PRKG1: variants seen among roughly 807,000 people sequenced by gnomAD.
The protein encoded by PRKG1 is protein kinase cGMP-dependent 1.
In PRKG1, 35 loss-of-function variants were observed where a neutral mutation model predicts 88.1. That is an observed-to-expected ratio of 0.40 (90% CI 0.30 to 0.53). PRKG1 has a LOEUF of 0.53. Among genes scored for constraint, PRKG1 ranks in the 20% least tolerant of loss-of-function variants. PRKG1 has a pLI of 0.59. For missense variants in PRKG1, 540 were observed against 839.8 expected (o/e 0.64, Z 4.41); for synonymous variants, 303 against 292.5 (o/e 1.04, Z -0.37).
chr10:51,970,815 G>GTATATA (rs573621951), intron 5 of PRKG1, among the ~76,000 whole-genome samples: 3 of 139,818 alleles, frequency 2.1e-5, no homozygotes, highest in African/African-American at 8.0e-5. Context: ...CAGATGATGT[G>GTATATA]TATATATATA....
intron 3 of PRKG1, among the ~76,000 whole-genome samples, chr10:51,603,340 T>G (rs990546482): frequency 9.2e-5 from 14 of 152,154 alleles, no homozygotes; most frequent in African/African-American, 3.1e-4. Flanking sequence ...TCAACTAGTT[T>G]AGTTATTTTC....
intron 3 of PRKG1, among the ~76,000 whole-genome samples, chr10:51,776,564 C>A (rs899593666): frequency 1.3e-5 from 2 of 152,130 alleles, no homozygotes; most frequent in Admixed American, 1.3e-4. Context: ...GTGGTTCATG[C>A]CTGTAAACCC....
At position 51,713,439 on chromosome 10, in the gene PRKG1, T is replaced by C. The variant is rs112649901; in HGVS notation, c.593-91146T>C. Among the ~76,000 whole-genome samples, 117 of 152,360 alleles carry C rather than the reference T, an allele frequency of 7.7e-4. 6 individuals carry two copies. The highest frequency in any genetic ancestry group is 6.8e-3 in the Middle Eastern group (2 of 294). ...CAAGAAAATTTATTGTGTTGAATTC[T>C]TTTCTAATTTTTGATGGTTGCTTCC... is the stretch of plus-strand genomic sequence containing the variant. On this transcript the variant is annotated intron_variant, in intron 3 of 17. Transcript: ENST00000373980.
intron 5 of PRKG1, chr10:51,910,957 C>T (rs1340491865): frequency 6.6e-6 from 1 of 152,194 alleles, no homozygotes; most frequent in Admixed American, 6.5e-5. Context: ...GCTTTTGTCT[C>T]TAGGTACTGA....
intron 2 of PRKG1, among the ~76,000 whole-genome samples, chr10:51,418,113 T>A (rs536035330): frequency 8.2e-4 from 125 of 152,332 alleles, no homozygotes; most frequent in African/African-American, 2.9e-3. Context: ...GTGAGTGAGA[T>A]AAAAGAACAG....
chr10:52,157,225 G>GTATA (rs56686251), intron 8 of PRKG1, among the ~76,000 whole-genome samples: 1,567 of 141,702 alleles, frequency 0.011, 14 homozygotes, highest in African/African-American at 0.029. Context: ...TACACACCAA[G>GTATA]TATATATATA....
At chr10:51,526,621 G>T (rs1841891131) in intron 3 of PRKG1, among the ~76,000 whole-genome samples, 1 of 152,154 alleles carries the variant, frequency 6.6e-6, no homozygotes, top group South Asian at 2.1e-4. Flanking sequence ...ATACATGTAT[G>T]ACTCTAGATT....
At chr10:51,841,599 A>C (rs1434156978) in intron 4 of PRKG1, among the ~76,000 whole-genome samples, 1 of 152,184 alleles carries the variant, frequency 6.6e-6, no homozygotes, top group Non-Finnish European at 1.5e-5. Context: ...TGTGCAGTTG[A>C]ATTTTCTAAT....
chr10:51,988,518 A>G (rs964703051), intron 5 of PRKG1, among the ~76,000 whole-genome samples: 4 of 152,084 alleles, frequency 2.6e-5, no homozygotes, highest in African/African-American at 9.7e-5. Flanking sequence ...TTTCCACATT[A>G]TCACCAACAT....
chr10:51,811,293 T>G (rs967739066), intron 4 of PRKG1, among the ~76,000 whole-genome samples: 11 of 152,174 alleles, frequency 7.2e-5, no homozygotes, highest in African/African-American at 2.4e-4. Context: ...TTGTCTATAT[T>G]CTAACTATAT....
intron 5 of PRKG1, among the ~76,000 whole-genome samples, chr10:51,921,874 CTTTCT>C (rs1192669287): frequency 1.3e-5 from 2 of 151,910 alleles, no homozygotes; most frequent in Non-Finnish European, 2.9e-5. Context: ...AGTAGTTTTT[CTTTCT>C]TGTAATGTCT....
intron 4 of PRKG1, among the ~76,000 whole-genome samples, chr10:51,845,846 T>A (rs1000199562): frequency 5.3e-5 from 8 of 152,174 alleles, no homozygotes; most frequent in African/African-American, 1.9e-4. Flanking sequence ...GATGAACTAT[T>A]CCTCAGTGTT....
intron 2 of PRKG1, among the ~76,000 whole-genome samples, chr10:51,282,205 G>A (rs1840319101): frequency 1.3e-5 from 2 of 152,196 alleles, no homozygotes; most frequent in African/African-American, 2.4e-5. Flanking sequence ...GCTTGGAATA[G>A]ATGTTGGTTA....
At chr10:51,772,627 C>T (rs988717059) in intron 3 of PRKG1, among the ~76,000 whole-genome samples, 15 of 150,542 alleles carry the variant, frequency 1.0e-4, no homozygotes, top group African/African-American at 3.7e-4. Context: ...TCTGAGTTTT[C>T]TGTTTGTTTG....
intron 5 of PRKG1, among the ~76,000 whole-genome samples, chr10:51,966,043 G>A (rs1159486771): frequency 6.6e-6 from 1 of 151,854 alleles, no homozygotes; most frequent in Non-Finnish European, 1.5e-5. Context: ...TTCTAATTAT[G>A]TGATTTTTAG....
At chr10:51,260,502 A>G (rs1340412135) in intron 2 of PRKG1, among the ~76,000 whole-genome samples, 3 of 152,294 alleles carry the variant, frequency 2.0e-5, no homozygotes, top group South Asian at 2.1e-4. Flanking sequence ...AAGAGTCTGG[A>G]TATATTGCAT....
At chr10:51,850,657 C>A (rs561104738) in intron 4 of PRKG1, among the ~76,000 whole-genome samples, 2 of 152,110 alleles carry the variant, frequency 1.3e-5, no homozygotes, top group South Asian at 4.2e-4. Context: ...GAAAACATAC[C>A]TACAGCCTAA....
At chr10:51,091,237 A>G (rs182119396) in intron 1 of PRKG1, among the ~76,000 whole-genome samples, 119 of 152,344 alleles carry the variant, frequency 7.8e-4, no homozygotes, top group African/African-American at 2.7e-3. Context: ...AGTATAATTT[A>G]TATACCATAA....
intron 3 of PRKG1, among the ~76,000 whole-genome samples, chr10:51,503,825 A>AT (rs1220604310): frequency 9.9e-5 from 15 of 152,086 alleles, no homozygotes; most frequent in Non-Finnish European, 1.6e-4. Flanking sequence ...AAAGAGCTTT[A>AT]TTTTTCTTTA....
Sources: allele counts gnomAD v4.1 joint callset (sites outside exome capture counted in the v4.1 genomes callset), GRCh38; gene constraint gnomAD v4.1.1; transcripts MANE v1.5; gene names NCBI Gene and HGNC (gene_info 2026-07-23, HGNC 2026-07-21).